The following ROBO2 variants were observed in gnomAD, a reference collection of about 807,000 sequenced individuals.
ROBO2 encodes the protein roundabout homolog 2.
A neutral mutation model predicts 160.8 loss-of-function variants in ROBO2; 53 were observed. That is an observed-to-expected ratio of 0.33 (90% CI 0.26 to 0.41). ROBO2 has a LOEUF of 0.41. Among genes scored for constraint, ROBO2 ranks in the 10% least tolerant of loss-of-function variants. The probability of loss-of-function intolerance (pLI) is 1.00; values close to 1 mark genes in which losing one functional copy is unlikely to be tolerated. For missense variants in ROBO2, 1,577 were observed against 1,722.4 expected (o/e 0.92, Z 1.49); for synonymous variants, 664 against 611.7 (o/e 1.09, Z -1.26).
chr3:76,143,518 G>T (rs899466431), intron 2 of ROBO2, among the ~76,000 whole-genome samples: 1 of 151,884 alleles, frequency 6.6e-6, no homozygotes, highest in African/African-American at 2.4e-5. Context: ...TATCTCTATT[G>T]GTAGATCATG....
At chr3:77,258,780 T>A (rs918109013) in intron 2 of ROBO2, among the ~76,000 whole-genome samples, 1 of 152,168 alleles carries the variant, frequency 6.6e-6, no homozygotes, top group Admixed American at 6.5e-5. Flanking sequence ...AAGCTAAATA[T>A]CTCTTCTCAA....
intron 22 of ROBO2, among the ~76,000 whole-genome samples, chr3:77,619,674 G>A (rs1411251905): frequency 6.6e-6 from 1 of 152,132 alleles, no homozygotes; most frequent in Non-Finnish European, 1.5e-5. Flanking sequence ...AGCCCCTCCA[G>A]AGGCTGAGGT....
In ROBO2 at chr3:76,934,760, A is replaced by G. The variant is rs187536381; in HGVS notation, c.110-163254A>G. 6.5e-4 allele frequency among the ~76,000 whole-genome samples: 99 copies of G among 152,236 alleles called. 1 individual carries two copies. Among genetic ancestry groups the G allele is most frequent in the Non-Finnish European group, 8.5e-4 (58 of 68,012 alleles). ...CCATCTCAAAAACAAAAACAAAAGCAAGAAAATCCTTAGTTTTAGAAGTAA... is the reference window on the plus strand; with the variant it reads ...CCATCTCAAAAACAAAAACAAAAGCGAGAAAATCCTTAGTTTTAGAAGTAA... On this transcript the variant is annotated intron_variant, in intron 2 of 26. Coordinates refer to the ROBO2 transcript ENST00000487694.
At chr3:76,975,373 G>C (rs1175846741) in intron 2 of ROBO2, among the ~76,000 whole-genome samples, 1 of 152,044 alleles carries the variant, frequency 6.6e-6, no homozygotes, top group African/African-American at 2.4e-5. Flanking sequence ...GGCATGGTGG[G>C]AGGTGCCTGT....
intron 2 of ROBO2, among the ~76,000 whole-genome samples, chr3:77,311,196 G>C (rs1027762617): frequency 2.0e-5 from 3 of 151,958 alleles, no homozygotes; most frequent in Non-Finnish European, 2.9e-5. Context: ...TATAATTTTT[G>C]CTTGTCATTC....
chr3:77,045,356 A>G (rs2064537551), intron 1 of ROBO2, among the ~76,000 whole-genome samples: 2 of 152,132 alleles, frequency 1.3e-5, no homozygotes, highest in South Asian at 4.1e-4. Flanking sequence ...CTTTCATCTA[A>G]TCACATGAGG....
At chr3:76,985,335 C>G (rs2060313619) in intron 2 of ROBO2, among the ~76,000 whole-genome samples, 2 of 151,908 alleles carry the variant, frequency 1.3e-5, no homozygotes, top group Non-Finnish European at 2.9e-5. Flanking sequence ...GTAATCCCAG[C>G]ACTTTGGGAG....
At chr3:76,536,459 G>A (rs555381876) in intron 2 of ROBO2, among the ~76,000 whole-genome samples, 1 of 152,262 alleles carries the variant, frequency 6.6e-6, no homozygotes, top group South Asian at 2.1e-4. Flanking sequence ...CACCAAGTGG[G>A]CCATGAACTG....
At chr3:76,194,350 G>GTGTGTATATATATATATA (rs759087780) in intron 2 of ROBO2, among the ~76,000 whole-genome samples, 4 of 42,040 alleles carry the variant, frequency 9.5e-5, no homozygotes, top group African/African-American at 2.4e-4. Flanking sequence ...TGTATGGTGT[G>GTGTGTATATATATATATA]TAAATATATA....
chr3:76,854,399 G>T (rs1012549195), intron 2 of ROBO2, among the ~76,000 whole-genome samples: 1 of 152,092 alleles, frequency 6.6e-6, no homozygotes. Flanking sequence ...AATGGTATCT[G>T]CATATTTAAT....
intron 2 of ROBO2, among the ~76,000 whole-genome samples, chr3:77,473,181 C>G (rs778765839): frequency 4.6e-5 from 7 of 151,926 alleles, no homozygotes; most frequent in Non-Finnish European, 1.0e-4. Context: ...TTACACAGAG[C>G]GTGAAGAAGT....
At chr3:77,331,535 A>G (rs1046854718) in intron 2 of ROBO2, among the ~76,000 whole-genome samples, 10 of 152,224 alleles carry the variant, frequency 6.6e-5, no homozygotes, top group African/African-American at 2.4e-4. Context: ...AAACCTTTTT[A>G]GAAACTTAAT....
chr3:77,269,346 T>C (rs17015110), intron 2 of ROBO2, among the ~76,000 whole-genome samples: 3,284 of 152,236 alleles, frequency 0.022, 143 homozygotes, highest in African/African-American at 0.075. Context: ...ACACATACAA[T>C]GCAGGCAGAA....
chr3:76,980,655 G>T (rs1227746421), intron 2 of ROBO2, among the ~76,000 whole-genome samples: 1 of 151,900 alleles, frequency 6.6e-6, no homozygotes, highest in Non-Finnish European at 1.5e-5. Flanking sequence ...AATAATCTTG[G>T]TAATCTTTTC....
intron 2 of ROBO2, among the ~76,000 whole-genome samples, chr3:76,580,342 G>GTTTTTTTTTTTGT (rs2085608842): frequency 6.6e-5 from 6 of 90,554 alleles, no homozygotes; most frequent in Admixed American, 1.4e-4. Flanking sequence ...TTTTTTTTGT[G>GTTTTTTTTTTTGT]TTTTTTTTTT....
chr3:76,592,299 C>A (rs1228802231), intron 2 of ROBO2, among the ~76,000 whole-genome samples: 3 of 152,138 alleles, frequency 2.0e-5, no homozygotes, highest in South Asian at 2.1e-4. Flanking sequence ...TTAACCAATT[C>A]CCCTGGAGGC....
intron 2 of ROBO2, among the ~76,000 whole-genome samples, chr3:76,163,580 T>C (rs551363636): frequency 1.8e-4 from 27 of 150,610 alleles, no homozygotes; most frequent in Non-Finnish European, 3.7e-4. Flanking sequence ...TAGGCATTCA[T>C]CAGAAATATT....
At chr3:77,339,899 C>T (rs1019085918) in intron 2 of ROBO2, among the ~76,000 whole-genome samples, 1 of 151,994 alleles carries the variant, frequency 6.6e-6, no homozygotes, top group African/African-American at 2.4e-5. Context: ...ATTTTTCTAC[C>T]AGATAGCTAC....
At position 76,236,427 on chromosome 3, in the gene ROBO2, A is replaced by T. The variant is rs183761431; in HGVS notation, c.109+298825A>T. Among the ~76,000 whole-genome samples the T allele has an allele frequency of 3.3e-5, 5 of 152,266 alleles. No homozygotes were observed. In the East Asian group the frequency reaches 9.6e-4, roughly 29 times the overall value. ...CAGACTGAAATAAATCTTGAGGGTC[A>T]ATTTTTACACATTGTTATGTATAAA... On this transcript the variant is annotated intron_variant, in intron 2 of 26. Coordinates refer to the ROBO2 transcript ENST00000487694.
Sources: allele counts gnomAD v4.1 joint callset (sites outside exome capture counted in the v4.1 genomes callset), GRCh38; gene constraint gnomAD v4.1.1; transcripts MANE v1.5; gene names NCBI Gene and HGNC (gene_info 2026-07-23, HGNC 2026-07-21).